TNRC6C: variants seen among roughly 807,000 people sequenced by gnomAD.
The protein encoded by TNRC6C is trinucleotide repeat-containing gene 6C protein.
Under a neutral mutation model 153.7 loss-of-function variants are expected in TNRC6C, and 20 were observed. The ratio of observed to expected loss-of-function variants is 0.13; its 90% confidence interval spans 0.09 to 0.19. TNRC6C has a LOEUF of 0.19. TNRC6C is among the 10% of genes least tolerant of loss of function. The pLI is 1.00. For synonymous variants in TNRC6C, 811 were observed against 841.4 expected, an observed-to-expected ratio of 0.96 and a Z score of 0.63; for missense variants, 1,987 against 2,172.0, an observed-to-expected ratio of 0.91 and a Z score of 1.69.
At chr17:78,108,490 AAC>A (rs930157564) in exon 20 of TNRC6C, 6 of 152,338 alleles carry the variant, frequency 3.9e-5, no homozygotes, top group African/African-American at 1.5e-4. Flanking sequence ...TACAGGGGCA[AAC>A]TGTACCCGTG....
rs917212035 is a variant in TNRC6C at position 78,075,450 on chromosome 17, G to A, written c.3060+172G>A. On this transcript the variant is annotated intron_variant, in intron 8 of 19. Coordinates refer to ENST00000301624, the Ensembl canonical transcript of TNRC6C. The surrounding 1 kb of genome is among the most constrained non-coding windows in gnomAD (Gnocchi z 4.2). ...CATTTAACTCAAAGAAGGGAATGTCGTATTTCATAAGATGTTACTGAGAAT... is the reference window on the plus strand; with the variant it reads ...CATTTAACTCAAAGAAGGGAATGTCATATTTCATAAGATGTTACTGAGAAT... 32 of 751,766 alleles carry A rather than the reference G, an allele frequency of 4.3e-5. No individual in the cohort carries two copies. Among genetic ancestry groups the A allele is most frequent in the Non-Finnish European group, 3.3e-5 (16 of 483,134 alleles). The allele number at this position is 751,766 out of a possible 1,614,324, so 46.6% of individuals were successfully genotyped here. A position where few individuals can be genotyped will look rare whatever the true frequency, so the allele number is the denominator to read the frequency against.
chr17:78,067,004 G>A (rs956633463), intron 4 of TNRC6C: 2 of 152,194 alleles, frequency 1.3e-5, no homozygotes, highest in Non-Finnish European at 2.9e-5. Flanking sequence ...AGATTCGCGT[G>A]GTTCCTATGC....
rs1273501489 is a variant in TNRC6C, at chr17:77,992,369, G to A, written c.-37-11801G>A. ...AAAAATTAGCCGGGCATGGTGGCGC[G>A]TGCCTGTAGTCCCAGCTACACAGGA... On this transcript the variant is annotated intron_variant, in intron 1 of 22. Coordinates refer to the TNRC6C transcript ENST00000636222. Among the ~76,000 whole-genome samples, 2 of 104,630 alleles carry A rather than the reference G, an allele frequency of 1.9e-5. 1 individual carries two copies. Among genetic ancestry groups the A allele is most frequent in the Admixed American group, 1.9e-4 (2 of 10,648 alleles). 68.6% of individuals were successfully genotyped at this position (104,630 alleles called of 152,430 possible).
chr17:78,104,771 A>C lies in TNRC6C; in HGVS notation c.4999A>C (p.Ser1667Arg), dbSNP rs1026242787. The C allele has an allele frequency of 2.5e-5, 37 of 1,476,160 alleles. No individual in the cohort carries two copies. Among genetic ancestry groups the C allele is most frequent in the Non-Finnish European group, 3.2e-5 (36 of 1,113,422 alleles). 91.4% of individuals were successfully genotyped at this position (1,476,160 alleles called of 1,614,324 possible). A position where few individuals can be genotyped will look rare whatever the true frequency, so the allele number is the denominator to read the frequency against. The change falls in exon 20 of 20, where the codon AGC (serine) becomes CGC (arginine). Residue 1667 changes from serine to arginine, a missense_variant. Ser to Arg is a moderately radical substitution (Grantham distance 110). This residue lies in a region of TNRC6C where 139 missense variants were observed against 148.5 expected (regional missense o/e 0.94). Transcript: ENST00000301624. This position sits in a 1 kb window ranked among gnomAD's most constrained non-coding sequence, Gnocchi z 6.2. ...GTGGGGCCCGCCCAGCGCCGACGAC[A>C]GCAGGGTGATAGGCAGCCCCACGCC...
Position 78,087,094 on chromosome 17 carries a change from G to T in TNRC6C, c.3802+1G>T. On this transcript the variant is annotated splice_donor_variant, in intron 13 of 19. Transcript: ENST00000301624. LOFTEE classifies it high-confidence loss of function. ...AACACCTTTGCTCCTTACCCTCTCGGTGAGTGTCCCATGGTCTTCAACAGC... is the reference window on the plus strand; with the variant it reads ...AACACCTTTGCTCCTTACCCTCTCGTTGAGTGTCCCATGGTCTTCAACAGC... The T allele has an allele frequency of 6.2e-7, 1 of 1,612,784 alleles. No homozygotes were observed. Among genetic ancestry groups the T allele is most frequent in the African/African-American group, 1.3e-5 (1 of 74,910 alleles).
At chr17:78,091,147 T>C (rs879597743) in intron 13 of TNRC6C, among the ~76,000 whole-genome samples, 10 of 152,192 alleles carry the variant, frequency 6.6e-5, no homozygotes, top group Non-Finnish European at 1.3e-4. Flanking sequence ...CATGTTGTTA[T>C]GACGATAAGT....
chr17:77,992,269 A>G lies in TNRC6C; in HGVS notation c.-37-11901A>G, dbSNP rs2071263337. Among the ~76,000 whole-genome samples, 2 of 50,562 alleles carry G rather than the reference A, an allele frequency of 4.0e-5. 1 individual carries two copies. Among genetic ancestry groups the G allele is most frequent in the Admixed American group, 3.7e-4 (2 of 5,366 alleles). The allele number at this position is 50,562 out of a possible 152,430, so 33.2% of individuals were successfully genotyped here. On this transcript the variant is annotated intron_variant, in intron 1 of 22. Transcript: ENST00000636222. ...AATCCCAGCACTTTGGGAGGCCGAGACGGGCGGATCACGAGGTCAGGAGAT... is the reference window on the plus strand; with the variant it reads ...AATCCCAGCACTTTGGGAGGCCGAGGCGGGCGGATCACGAGGTCAGGAGAT...
chr17:78,050,626 G>T, exon 3 of TNRC6C: 3 of 1,573,218 alleles, frequency 1.9e-6, no homozygotes, highest in Non-Finnish European at 2.6e-6. Flanking sequence ...AGCAAACACA[G>T]GTTGGGGAGA....
intron 16 of TNRC6C, 62 bp downstream of exon 18, chr17:78,093,825 CAG>C (rs2073434888): frequency 6.3e-7 from 1 of 1,589,544 alleles, no homozygotes; most frequent in Non-Finnish European, 8.6e-7. Flanking sequence ...TTGGAGATGT[CAG>C]GGGTGACAGG....
At chr17:78,106,417 C>G (rs2073695605) in exon 20 of TNRC6C, 1 of 151,628 alleles carries the variant, frequency 6.6e-6, no homozygotes, top group Non-Finnish European at 1.5e-5. Context: ...TGGCCACTGT[C>G]TTGCACATGC....
intron 3 of TNRC6C, among the ~76,000 whole-genome samples, chr17:78,062,292 A>G (rs117030621): frequency 0.01 from 1,537 of 152,310 alleles, 14 homozygotes; most frequent in Non-Finnish European, 0.015. Flanking sequence ...GTAATTTAAA[A>G]TGATTTTTAG....
In TNRC6C at chr17:78,049,329, T is replaced by C. The variant is rs1207160986; in HGVS notation, c.267T>C (p.Ala89=). 6.2e-7 allele frequency: 1 copy of C among 1,614,014 alleles called. No homozygotes were observed. Among genetic ancestry groups the C allele is most frequent in the Admixed American group, 1.7e-5 (1 of 60,026 alleles). Residue 89 remains alanine (A), a synonymous_variant, in exon 3 of 20, where the codon GCT becomes GCC. Coordinates refer to ENST00000301624, the Ensembl canonical transcript of TNRC6C. The surrounding 1 kb of genome is among the most constrained non-coding windows in gnomAD (Gnocchi z 4.1). Reference sequence around the variant, plus strand: ...GGAGAAGTCAGAATTGCTGGGGTGCTTCCAACTCCAATGCTGGCATTAATC... The same window carrying C: ...GGAGAAGTCAGAATTGCTGGGGTGCCTCCAACTCCAATGCTGGCATTAATC...
At chr17:78,107,224 T>G (rs1488151864) in exon 20 of TNRC6C, 4 of 152,182 alleles carry the variant, frequency 2.6e-5, no homozygotes, top group African/African-American at 9.7e-5. Flanking sequence ...AGAATATGTT[T>G]GTTTGTTTTT....
At chr17:77,970,485 G>A (rs1413467104) in intron 1 of TNRC6C, among the ~76,000 whole-genome samples, 2 of 152,176 alleles carry the variant, frequency 1.3e-5, no homozygotes, top group Non-Finnish European at 2.9e-5. Flanking sequence ...AACCTCACCT[G>A]GCTGCTGCTT....
intron 1 of TNRC6C, among the ~76,000 whole-genome samples, chr17:77,972,585 A>G (rs1469342848): frequency 6.6e-6 from 1 of 152,174 alleles, no homozygotes; most frequent in Non-Finnish European, 1.5e-5. Context: ...TACCATAAAC[A>G]ACTTTATACC....
intron 10 of TNRC6C, among the ~76,000 whole-genome samples, chr17:78,082,230 T>C (rs960730397): frequency 6.6e-6 from 1 of 150,998 alleles, no homozygotes; most frequent in Admixed American, 6.6e-5. Context: ...ACCAATGCAC[T>C]GGATATACCG....
chr17:78,068,182 G>C lies in TNRC6C; in HGVS notation c.2778+259G>C, dbSNP rs373554023. On this transcript the variant is annotated intron_variant, in intron 5 of 19. Transcript: ENST00000301624. ...GTCCAGAGAACTTTATTGTAGCAGA[G>C]AATGTGCAGAAACAGGCATGAAAAT... Among the ~76,000 whole-genome samples, 15 of 152,306 alleles carry C rather than the reference G, an allele frequency of 9.8e-5. 1 individual carries two copies. The highest frequency in any genetic ancestry group is 2.6e-4 in the African/African-American group (11 of 41,570).
At chr17:78,043,884 A>G (rs1340600692) in intron 2 of TNRC6C, among the ~76,000 whole-genome samples, 1 of 152,240 alleles carries the variant, frequency 6.6e-6, no homozygotes, top group Non-Finnish European at 1.5e-5. Context: ...ATGTTGTTGC[A>G]AATGACAGGA....
At chr17:78,097,986 T>A in intron 16 of TNRC6C, 125 bp downstream of exon 19, 1 of 836,606 alleles carries the variant, frequency 1.2e-6, no homozygotes, top group Non-Finnish European at 1.8e-6. Context: ...CCGTGTGGCG[T>A]GATGAAGGAT....
Sources: allele counts gnomAD v4.1 joint callset (sites outside exome capture counted in the v4.1 genomes callset), GRCh38; gene constraint gnomAD v4.1.1; regional missense constraint gnomAD v4.1.1; non-coding constraint Gnocchi (gnomAD v3.1); transcripts MANE v1.5; gene names NCBI Gene and HGNC (gene_info 2026-07-23, HGNC 2026-07-21).